CACNA1A: variants seen among roughly 807,000 people sequenced by gnomAD.
CACNA1A encodes the protein voltage-dependent P/Q-type calcium channel subunit alpha-1A.
In CACNA1A, 57 loss-of-function variants were observed where a neutral mutation model predicts 262.4. The ratio of observed to expected loss-of-function variants is 0.22; its 90% CI spans 0.18 to 0.27. The LOEUF is 0.27. CACNA1A is among the 10% of genes least tolerant of loss of function. The pLI is 1.00. For synonymous variants in CACNA1A, 1,431 were observed against 1,419.3 expected (o/e 1.01, Z -0.18); for missense variants, 2,526 against 3,562.8 (o/e 0.71, Z 7.41).
rs772768681 is a variant in CACNA1A at position 13,286,573 on chromosome 19, C to T, written c.3483G>A (p.Arg1161=). 1.9e-5 allele frequency: 30 copies of T among 1,548,250 alleles called. No individual in the cohort carries two copies. The highest frequency in any genetic ancestry group is 2.5e-5 in the Non-Finnish European group (29 of 1,151,556). The change falls in exon 20 of 47, where the codon AGG becomes AGA. Residue 1161 remains arginine (R), a synonymous_variant. Coordinates refer to ENST00000360228, the MANE Select transcript of CACNA1A (RefSeq NM_001127222.2). ...GTQTNSAKTA[R]KPDHTTVDIP... is the part of the protein sequence containing the mutation. ...TGTCCACTGTGGTGTGGTCGGGTTT[C>T]CTGGCAGTCTTAGCTGAATTGGTCT...
At chr19:13,414,331 G>A (rs2060184252) in intron 3 of CACNA1A, among the ~76,000 whole-genome samples, 1 of 152,090 alleles carries the variant, frequency 6.6e-6, no homozygotes, top group South Asian at 2.1e-4. Flanking sequence ...CCAAGAAGTC[G>A]AGGCTGCAGA....
At chr19:13,427,428 G>A (rs2060422174) in intron 3 of CACNA1A, among the ~76,000 whole-genome samples, 1 of 150,560 alleles carries the variant, frequency 6.6e-6, no homozygotes, top group South Asian at 2.1e-4. Context: ...TTCCAGGCTG[G>A]GCAAGAAGAG....
chr19:13,320,236 TCG>T (rs1491271774), intron 10 of CACNA1A, among the ~76,000 whole-genome samples: 1,231 of 73,492 alleles, frequency 0.017, 16 homozygotes, highest in African/African-American at 0.055. Flanking sequence ...GTTCCACAGA[TCG>T]AGAGAGAGAG....
chr19:13,379,825 A>G (rs2059484172), intron 3 of CACNA1A, among the ~76,000 whole-genome samples: 1 of 123,208 alleles, frequency 8.1e-6, no homozygotes, highest in Admixed American at 8.6e-5. Flanking sequence ...TTGGGAGGCT[A>G]AGGCAGGAGA....
intron 10 of CACNA1A, among the ~76,000 whole-genome samples, chr19:13,324,562 A>G (rs1306274583): frequency 6.6e-6 from 1 of 152,208 alleles, no homozygotes; most frequent in Non-Finnish European, 1.5e-5. Context: ...ATAAACATAC[A>G]CAATTACCAT....
chr19:13,430,355 C>A (rs1306592131), intron 3 of CACNA1A, among the ~76,000 whole-genome samples: 1 of 152,048 alleles, frequency 6.6e-6, no homozygotes, highest in Non-Finnish European at 1.5e-5. Context: ...TACAGGCGTG[C>A]AATGCCACGC....
At chr19:13,349,565 T>G (rs1397050576) in intron 6 of CACNA1A, among the ~76,000 whole-genome samples, 1 of 152,226 alleles carries the variant, frequency 6.6e-6, no homozygotes, top group Non-Finnish European at 1.5e-5. Context: ...AGCTCTTGTC[T>G]CCAGCAAACA....
In CACNA1A at chr19:13,505,969, C is replaced by T; in HGVS notation, c.256G>A (p.Val86Met). The change falls in exon 1 of 47, where the codon GTG becomes ATG. Residue 86 changes from valine (V) to methionine (M), a missense_variant. Around this residue, in one of 17 missense-constraint regions of CACNA1A, gnomAD observed 77 missense variants for 228.4 expected, o/e 0.34. Coordinates refer to ENST00000360228, the MANE Select transcript of CACNA1A (RefSeq NM_001127222.2). ...RSLFLFSEDN[V>M]VRKYAKKITE... is the part of the protein sequence containing the mutation. The stretch of plus-strand genomic sequence containing the variant: ...ATCTTTTTGGCGTATTTTCTCACCA[C>T]GTTGTCTTCGCTGAAGAGGAAGAGA... 1 of 1,613,854 alleles carries T rather than the reference C, an allele frequency of 6.2e-7. No homozygotes were observed. Among genetic ancestry groups the T allele is most frequent in the Non-Finnish European group, 8.5e-7 (1 of 1,179,850 alleles).
chr19:13,434,408 T>C (rs1342704567), intron 3 of CACNA1A, among the ~76,000 whole-genome samples: 1 of 152,216 alleles, frequency 6.6e-6, no homozygotes, highest in African/African-American at 2.4e-5. Context: ...TTACTTTTAA[T>C]GTACTTTGGA....
At chr19:13,320,854 T>A (rs1300424201) in intron 10 of CACNA1A, among the ~76,000 whole-genome samples, 1 of 152,136 alleles carries the variant, frequency 6.6e-6, no homozygotes, top group Non-Finnish European at 1.5e-5. Context: ...TATTACCATT[T>A]CAACATGGAA....
At chr19:13,323,174 C>G (rs1369564294) in intron 10 of CACNA1A, among the ~76,000 whole-genome samples, 1 of 151,958 alleles carries the variant, frequency 6.6e-6, no homozygotes, top group Non-Finnish European at 1.5e-5. Context: ...CAGGAGAATC[C>G]CTTGAACCCA....
Position 13,280,770 on chromosome 19 carries a change from G to A in CACNA1A, c.3822+2497C>T, listed in dbSNP as rs142732650. ...AGTCTGGCTGATAGTGTGAAACCCCGTCTCTACTAAAAATACAAAAATTAG... is the reference window on the plus strand; with the variant it reads ...AGTCTGGCTGATAGTGTGAAACCCCATCTCTACTAAAAATACAAAAATTAG... On this transcript the variant is annotated intron_variant, in intron 22 of 46. Transcript: ENST00000360228. 6.0e-3 allele frequency among the ~76,000 whole-genome samples: 905 copies of A among 151,848 alleles called. 14 individuals carry two copies. Among genetic ancestry groups the A allele is most frequent in the African/African-American group, 0.02 (813 of 41,454 alleles).
At chr19:13,440,744 T>C (rs1051772088) in intron 3 of CACNA1A, among the ~76,000 whole-genome samples, 1 of 152,232 alleles carries the variant, frequency 6.6e-6, no homozygotes, top group Non-Finnish European at 1.5e-5. Context: ...CAGCCCAGCA[T>C]GGGTCAGACA....
chr19:13,227,159 T>A, intron 37 of CACNA1A: 2 of 223,346 alleles, frequency 9.0e-6, no homozygotes, highest in Non-Finnish European at 1.7e-5. Flanking sequence ...GGCGCTCCCC[T>A]CCCCCTCCCC....
Position 13,397,811 on chromosome 19 carries a change from C to T in CACNA1A, c.540-26032G>A, listed in dbSNP as rs553377174. Among the ~76,000 whole-genome samples, 19 of 152,276 alleles carry T rather than the reference C, an allele frequency of 1.2e-4. No homozygotes were observed. In the South Asian group the frequency reaches 3.9e-3, roughly 32 times the overall value. On this transcript the variant is annotated intron_variant, in intron 3 of 46. Coordinates refer to ENST00000360228, the MANE Select transcript of CACNA1A (RefSeq NM_001127222.2). Reference sequence around the variant, plus strand: ...CTGGGTCTGTCCCAGAAACATTTCTCCTGTGCCCTTCTCATGCTCTTTTCC... The same window carrying T: ...CTGGGTCTGTCCCAGAAACATTTCTTCTGTGCCCTTCTCATGCTCTTTTCC...
At chr19:13,301,226 G>A (rs549022100) in intron 17 of CACNA1A, among the ~76,000 whole-genome samples, 156 of 152,088 alleles carry the variant, frequency 1.0e-3, no homozygotes, top group Middle Eastern at 6.8e-3. Context: ...AAAGTGCTGG[G>A]ATTCCAGGCA....
At chr19:13,343,320 C>T (rs2058707519) in intron 6 of CACNA1A, among the ~76,000 whole-genome samples, 1 of 151,228 alleles carries the variant, frequency 6.6e-6, no homozygotes, top group African/African-American at 2.4e-5. Flanking sequence ...GACAAGATTT[C>T]ACCTTGTTGG....
intron 24 of CACNA1A, chr19:13,271,505 G>A (rs1235167768): frequency 6.6e-6 from 1 of 152,136 alleles, no homozygotes; most frequent in African/African-American, 2.4e-5. Context: ...ACAGGTGTGA[G>A]CCATCGCACC....
chr19:13,211,884 C>CT, intron 43 of CACNA1A: 2 of 536,478 alleles, frequency 3.7e-6, no homozygotes, highest in East Asian at 3.2e-5. Flanking sequence ...AGGGGGAGCA[C>CT]TTTCCTCTCT....
Sources: allele counts gnomAD v4.1 joint callset (sites outside exome capture counted in the v4.1 genomes callset), GRCh38; gene constraint gnomAD v4.1.1; regional missense constraint gnomAD v4.1.1; transcripts MANE v1.5; gene names NCBI Gene and HGNC (gene_info 2026-07-23, HGNC 2026-07-21).